Variants in DOC2B observed in about 807,000 individuals in gnomAD.
DOC2B encodes double C2 domain beta, also known as double C2-like domain-containing protein beta.
Under a neutral mutation model 28.9 loss-of-function variants are expected in DOC2B, and 21 were observed. The ratio of observed to expected loss-of-function variants is 0.73; its 90% CI spans 0.52 to 1.05. DOC2B has a LOEUF of 1.05. Ranked by LOEUF, DOC2B falls within the 50% of genes least tolerant of loss-of-function variation. DOC2B has a pLI of 0.00. For missense variants in DOC2B, 384 were observed against 421.1 expected, an observed-to-expected ratio of 0.91 and a Z score of 0.77; for synonymous variants, 194 against 178.1, an observed-to-expected ratio of 1.09 and a Z score of -0.71.
intron 3 of DOC2B, among the ~76,000 whole-genome samples, chr17:163,151 A>G (rs1200666136): frequency 6.6e-6 from 1 of 152,172 alleles, no homozygotes; most frequent in Non-Finnish European, 1.5e-5. Context: ...GGGACTTCCT[A>G]CAACTCGGCA....
At chr17:148,506 C>T (rs979988608) in intron 7 of DOC2B, among the ~76,000 whole-genome samples, 10 of 152,226 alleles carry the variant, frequency 6.6e-5, no homozygotes, top group Admixed American at 2.0e-4. Flanking sequence ...CCCCACACCC[C>T]GGGAGCCTCC....
chr17:180,715 G>T (rs1199387614), intron 1 of DOC2B, among the ~76,000 whole-genome samples: 1 of 151,828 alleles, frequency 6.6e-6, no homozygotes, highest in Non-Finnish European at 1.5e-5. Context: ...GCGACCGCGC[G>T]GCCGGCAGCA....
chr17:147,245 G>A lies in DOC2B; in HGVS notation c.*196C>T, dbSNP rs2040026096. ...AGAGAGCTGAGAGCCCCCCACCCCA[G>A]CTCCTTGCCCTCCCCGTCCCAGAGT... On this transcript the variant is annotated 3_prime_UTR_variant, in exon 9 of 9. Coordinates refer to ENST00000613549, the MANE Select transcript of DOC2B (RefSeq NM_003585.5). 5.1e-6 allele frequency: 2 copies of A among 392,476 alleles called. No individual in the cohort carries two copies. The highest frequency in any genetic ancestry group is 8.9e-5 in the Admixed American group (2 of 22,546). The allele number at this position is 392,476 out of a possible 1,614,324, so 24.3% of individuals were successfully genotyped here.
intron 2 of DOC2B, among the ~76,000 whole-genome samples, chr17:170,057 G>C (rs1326891599): frequency 6.6e-6 from 1 of 152,232 alleles, no homozygotes; most frequent in African/African-American, 2.4e-5. Context: ...GAGAGAGGAA[G>C]GGGTGGGCTT....
chr17:172,456 T>G (rs1414807301), intron 2 of DOC2B, 81 bp downstream of exon 2: 4 of 1,097,026 alleles, frequency 3.6e-6, no homozygotes, highest in Non-Finnish European at 5.3e-6. Flanking sequence ...ACCTGGGGAG[T>G]GGTGTGGTCT....
rs958237486 is a variant in DOC2B, at chr17:147,238, C to G, written c.*203G>C. 4 of 393,804 alleles carry G rather than the reference C, an allele frequency of 1.0e-5. No individual in the cohort carries two copies. Among genetic ancestry groups the G allele is most frequent in the Non-Finnish European group, 1.8e-5 (4 of 223,462 alleles). The allele number at this position is 393,804 out of a possible 1,614,324, so 24.4% of individuals were successfully genotyped here. ...GGGCCCCAGAGAGCTGAGAGCCCCC[C>G]ACCCCAGCTCCTTGCCCTCCCCGTC... is the stretch of plus-strand genomic sequence containing the variant. On this transcript the variant is annotated 3_prime_UTR_variant, in exon 9 of 9. Coordinates refer to ENST00000613549, the MANE Select transcript of DOC2B (RefSeq NM_003585.5).
Position 154,673 on chromosome 17 carries a change from T to C in DOC2B, c.923+1547A>G, listed in dbSNP as rs142645531. ...CAAATGGTGATTCTGTGTTTAACTTTCTGAGGAACTATCAGCTGCTTCCCA... is the reference window on the plus strand; with the variant it reads ...CAAATGGTGATTCTGTGTTTAACTTCCTGAGGAACTATCAGCTGCTTCCCA... On this transcript the variant is annotated intron_variant, in intron 6 of 8. Transcript: ENST00000613549. Among the ~76,000 whole-genome samples, 1,492 of 152,330 alleles carry C rather than the reference T, an allele frequency of 9.8e-3. 19 individuals are homozygous for C. Among genetic ancestry groups the C allele is most frequent in the African/African-American group, 0.034 (1,416 of 41,566 alleles).
At chr17:156,064 C>T (rs1001197545) in intron 6 of DOC2B, 156 bp downstream of exon 6, 3 of 789,348 alleles carry the variant, frequency 3.8e-6, no homozygotes, top group African/African-American at 3.5e-5. Context: ...CATGCTTAAC[C>T]CCTGGAGTTG....
chr17:159,202 C>T (rs1168654141), intron 5 of DOC2B, among the ~76,000 whole-genome samples: 3 of 152,022 alleles, frequency 2.0e-5, no homozygotes, highest in South Asian at 2.1e-4. Flanking sequence ...TAAAACCTAC[C>T]GCCAGAGGCC....
intron 1 of DOC2B, among the ~76,000 whole-genome samples, chr17:176,391 T>G (rs1354710053): frequency 2.6e-5 from 2 of 75,938 alleles, no homozygotes; most frequent in African/African-American, 7.8e-5. Context: ...GTGGTGTTGG[T>G]GCGGGGGGTG....
At chr17:168,789 TTC>T (rs1397097986) in intron 2 of DOC2B, among the ~76,000 whole-genome samples, 8 of 152,164 alleles carry the variant, frequency 5.3e-5, no homozygotes, top group Non-Finnish European at 2.9e-5. Flanking sequence ...TTGGCTCTCA[TTC>T]TCTCTCTTGC....
chr17:178,768 C>T (rs2040398007), intron 1 of DOC2B, among the ~76,000 whole-genome samples: 1 of 152,258 alleles, frequency 6.6e-6, no homozygotes, highest in Admixed American at 6.5e-5. Flanking sequence ...AACAGAGCAA[C>T]CGCCCTCATT....
intron 5 of DOC2B, among the ~76,000 whole-genome samples, chr17:157,024 T>C (rs1358862241): frequency 1.3e-5 from 2 of 152,272 alleles, no homozygotes; most frequent in South Asian, 2.1e-4. Context: ...TGCTTCTCTA[T>C]GGCTGCTTTT....
intron 1 of DOC2B, among the ~76,000 whole-genome samples, chr17:180,814 G>A (rs2040432011): frequency 6.6e-6 from 1 of 151,978 alleles, no homozygotes; most frequent in Non-Finnish European, 1.5e-5. Context: ...GGCTGGCAGG[G>A]AGGGGGCGCG....
At position 146,744 on chromosome 17, in the gene DOC2B, T is replaced by C. The variant is rs1266411293; in HGVS notation, c.*697A>G. 6.6e-6 allele frequency: 1 copy of C among 152,294 alleles called. No homozygotes were observed. The highest frequency in any genetic ancestry group is 1.5e-5 in the Non-Finnish European group (1 of 68,114). The allele number at this position is 152,294 out of a possible 1,614,324, so 9.4% of individuals were successfully genotyped here. On this transcript the variant is annotated 3_prime_UTR_variant, in exon 9 of 9. Transcript: ENST00000613549. ...CAGAGTCAGCAGAGCCCACGGTACT[T>C]GCAGACTGGCCAAGCTGGTCTTGGT... is the stretch of plus-strand genomic sequence containing the variant.
intron 1 of DOC2B, among the ~76,000 whole-genome samples, chr17:175,215 G>A (rs746559835): frequency 2.8e-4 from 42 of 152,326 alleles, no homozygotes; most frequent in Middle Eastern, 3.4e-3. Context: ...CAACCTAGGC[G>A]ACAGAGCGAG....
In DOC2B at chr17:165,609, C is replaced by T. The variant is rs574908049; in HGVS notation, c.454-1405G>A. Among the ~76,000 whole-genome samples, 261 of 152,142 alleles carry T rather than the reference C, an allele frequency of 1.7e-3. 1 individual carries two copies. Among genetic ancestry groups the T allele is most frequent in the Middle Eastern group, 3.4e-3 (1 of 294 alleles). ...GGCAGGGTTTGCTCCCTTCCCTGCA[C>T]GCCAGGCCCCCGTGAGACGCCGGAG... is the stretch of plus-strand genomic sequence containing the variant. On this transcript the variant is annotated intron_variant, in intron 2 of 8. Coordinates refer to ENST00000613549, the MANE Select transcript of DOC2B (RefSeq NM_003585.5).
intron 5 of DOC2B, among the ~76,000 whole-genome samples, chr17:159,734 G>A (rs1004118498): frequency 3.3e-5 from 5 of 152,090 alleles, no homozygotes; most frequent in African/African-American, 1.2e-4. Flanking sequence ...CCAATGGGCC[G>A]GTAGCGCATC....
intron 2 of DOC2B, among the ~76,000 whole-genome samples, chr17:170,658 C>T (rs906598091): frequency 6.6e-5 from 10 of 152,174 alleles, no homozygotes; most frequent in Admixed American, 6.5e-4. Context: ...ATTTTGGCAC[C>T]TTCCTCCCAC....
Sources: gnomAD v4.1 joint callset for allele counts (sites outside exome capture counted in the v4.1 genomes callset) on GRCh38, gnomAD v4.1.1 for gene constraint, MANE v1.5 for transcripts, NCBI Gene and HGNC (gene_info 2026-07-23, HGNC 2026-07-21) for gene names.